AWAT1: variants seen among roughly 807,000 people sequenced by gnomAD.
AWAT1 encodes acyl-CoA wax alcohol acyltransferase 1, also known as diacyl-glycerol acyltransferase 2.
A neutral mutation model predicts 21.6 loss-of-function variants in AWAT1; 26 were observed. The ratio of observed to expected loss-of-function variants is 1.20; its 90% CI spans 0.88 to 1.67. AWAT1 has a LOEUF of 1.67. Ranked by LOEUF, AWAT1 falls within the 40% of genes most tolerant of loss-of-function variation. The probability of loss-of-function intolerance (pLI) is 0.00; values close to 1 mark genes in which losing one functional copy is unlikely to be tolerated. For missense variants in AWAT1, 264 were observed against 249.4 expected (o/e 1.06, Z -0.39); for synonymous variants, 102 against 99.3 (o/e 1.03, Z -0.16).
chrX:70,239,576 G>C (rs955277215), intron 5 of AWAT1, among the ~76,000 whole-genome samples, 159 bp from the exon 6 acceptor site: 2 of 111,932 alleles, frequency 1.8e-5, no homozygotes, highest in South Asian at 3.8e-4. Flanking sequence ...CATGACAAGA[G>C]ACATTAAATA....
chrX:70,236,135 T>G lies in AWAT1; in HGVS notation c.251T>G (p.Ile84Ser). Residue 84 changes from isoleucine to serine, a missense_variant, in exon 3 of 7, where the codon ATT (isoleucine) becomes AGT (serine). By Grantham distance (142) the Ile-to-Ser change is moderately radical. Transcript: ENST00000374521. ...ACCCACATCAGGGACTATTTCCCCA[T>G]TACGGTAAGTATCTCTTCCCCAGTG... ...VWTHIRDYFP[I>S]TILKTKDLSP... 1 of 1,206,828 alleles carries G rather than the reference T, an allele frequency of 8.3e-7. No individual in the cohort carries two copies. Among genetic ancestry groups the G allele is most frequent in the South Asian group, 1.8e-5 (1 of 56,843 alleles).
At position 70,237,142 on chromosome X, in the gene AWAT1, T is replaced by C. The variant is rs891921067; in HGVS notation, c.354T>C (p.Thr118=). 20 of 1,205,936 alleles carry C rather than the reference T, an allele frequency of 1.7e-5. No homozygotes were observed. Among genetic ancestry groups the C allele is most frequent in the Admixed American group, 2.2e-5 (1 of 45,460 alleles). The part of the protein sequence containing the change: ...LTFGAFCNFC[T]EATGFSKTFP... ...TTGGCGCCTTCTGCAACTTCTGCAC[T>C]GAGGCCACAGGCTTCTCGAAGACCT... Residue 118 remains threonine, a synonymous_variant, in exon 4 of 7, where the codon ACT becomes ACC. Transcript: ENST00000374521.
intron 2 of AWAT1, 81 bp downstream of exon 2, chrX:70,235,904 C>T: frequency 2.0e-6 from 2 of 991,299 alleles, no homozygotes; most frequent in Non-Finnish European, 2.9e-6. Context: ...CCACAGGCCC[C>T]TCATCCAAGT....
chrX:70,236,827 C>A (rs1464081963), intron 3 of AWAT1, among the ~76,000 whole-genome samples: 1 of 111,899 alleles, frequency 8.9e-6, no homozygotes, highest in Non-Finnish European at 1.9e-5. Context: ...CTACTTCTAG[C>A]CACAGGCAGG....
intron 2 of AWAT1, 41 bp downstream of exon 2, chrX:70,235,864 A>T (rs764929565): frequency 1.8e-6 from 2 of 1,110,622 alleles, no homozygotes; most frequent in African/African-American, 3.6e-5. Flanking sequence ...TTCCATCATA[A>T]CCTGCAGCCA....
intron 5 of AWAT1, among the ~76,000 whole-genome samples, chrX:70,239,494 C>T (rs1462884395): frequency 8.9e-6 from 1 of 111,807 alleles, no homozygotes; most frequent in African/African-American, 3.3e-5. Context: ...CCTGACGCTC[C>T]CCGCCCCCTG....
chrX:70,235,956 G>A, intron 2 of AWAT1, 113 bp from the exon 3 acceptor site: 2 of 903,798 alleles, frequency 2.2e-6, no homozygotes, highest in Non-Finnish European at 3.2e-6. Flanking sequence ...ACCATCCTAG[G>A]GTCTCCTCCT....
chrX:70,239,885 T>C lies in AWAT1; in HGVS notation c.783T>C (p.Cys261=), dbSNP rs767147547. ...GTGTCTTCTATGGACAAAGCTTCTG[T>C]CAAGGCTCCACTGGGCTCCTGCCAT... is the stretch of plus-strand genomic sequence containing the variant. ...YCCVFYGQSF[C]QGSTGLLPYS... Residue 261 remains cysteine, a synonymous_variant, in exon 6 of 7, where the codon TGT becomes TGC. Coordinates refer to ENST00000374521, the MANE Select transcript of AWAT1 (RefSeq NM_001013579.3). 4 of 1,210,851 alleles carry C rather than the reference T, an allele frequency of 3.3e-6. No homozygotes were observed. In the Admixed American group the frequency reaches 8.7e-5, roughly 26 times the overall value.
At chrX:70,236,024 G>C (rs2085513160) in intron 2 of AWAT1, 45 bp from the exon 3 acceptor site, 1 of 1,098,270 alleles carries the variant, frequency 9.1e-7, no homozygotes, top group Non-Finnish European at 1.3e-6. Flanking sequence ...GAATGTATGG[G>C]ATGGCACACA....
At chrX:70,239,672 G>T in intron 5 of AWAT1, 63 bp from the exon 6 acceptor site, 1 of 1,015,013 alleles carries the variant, frequency 9.9e-7, no homozygotes, top group Non-Finnish European at 1.4e-6. Flanking sequence ...GCAAACAAAT[G>T]TTCTTCCAGG....
chrX:70,240,123 T>C lies in AWAT1; in HGVS notation c.833-13T>C. On this transcript the variant is annotated splice_polypyrimidine_tract_variant and intron_variant, in intron 6 of 6. Transcript: ENST00000374521. The stretch of plus-strand genomic sequence containing the variant: ...AACACTTTCCTCTTCTCTTTTCCGA[T>C]CTCTCTTGGCAGTTGGGGAGCCTCT... The C allele has an allele frequency of 1.7e-6, 2 of 1,208,819 alleles. No homozygotes were observed. Among genetic ancestry groups the C allele is most frequent in the Non-Finnish European group, 2.2e-6 (2 of 894,279 alleles).
chrX:70,238,333 C>A lies in AWAT1; in HGVS notation c.582C>A (p.Thr194=), dbSNP rs1169683180. The A allele has an allele frequency of 1.7e-6, 2 of 1,207,077 alleles. No individual in the cohort carries two copies. Among genetic ancestry groups the A allele is most frequent in the Non-Finnish European group, 2.2e-6 (2 of 893,107 alleles). Residue 194 remains threonine, a synonymous_variant, in exon 5 of 7, where the codon ACC becomes ACA. Coordinates refer to ENST00000374521, the MANE Select transcript of AWAT1 (RefSeq NM_001013579.3). ...TGCAAAGTGTGCCCAACACCACCAC[C>A]CTCATCCTCCAGAAGCGCAAGGGGT... The part of the protein sequence containing the change: ...EALQSVPNTT[T]LILQKRKGFV...
intron 5 of AWAT1, among the ~76,000 whole-genome samples, chrX:70,239,357 C>T (rs1389527748): frequency 1.8e-5 from 2 of 112,738 alleles, no homozygotes; most frequent in African/African-American, 6.4e-5. Flanking sequence ...ACCCAGGGCA[C>T]TGTTCAGGGT....
chrX:70,236,635 G>C (rs1294447410), intron 3 of AWAT1, among the ~76,000 whole-genome samples: 1 of 111,586 alleles, frequency 9.0e-6, no homozygotes, highest in African/African-American at 3.3e-5. Context: ...AAGGGGATTG[G>C]CAGGAAACAA....
intron 3 of AWAT1, 56 bp downstream of exon 3, chrX:70,236,195 A>G: frequency 1.0e-6 from 1 of 956,578 alleles, no homozygotes. Flanking sequence ...GTAGGCATTT[A>G]TACCACATGA....
At chrX:70,238,871 C>G (rs949229871) in intron 5 of AWAT1, among the ~76,000 whole-genome samples, 1 of 112,301 alleles carries the variant, frequency 8.9e-6, no homozygotes, top group African/African-American at 3.2e-5. Flanking sequence ...GAATTTATCC[C>G]CACAAAACAC....
intron 3 of AWAT1, 80 bp downstream of exon 3, chrX:70,236,219 T>C (rs1206365247): frequency 1.1e-5 from 9 of 783,382 alleles, no homozygotes; most frequent in Non-Finnish European, 1.7e-5. Context: ...GAGTTGTCCA[T>C]AAGGAAGATA....
At chrX:70,236,193 T>G in intron 3 of AWAT1, 54 bp downstream of exon 3, 3 of 965,182 alleles carry the variant, frequency 3.1e-6, no homozygotes, top group Middle Eastern at 2.6e-4. Context: ...GGGTAGGCAT[T>G]TATACCACAT....
Position 70,236,077 on chromosome X carries a change from C to A in AWAT1, c.193C>A (p.Arg65Ser). 2 of 1,209,806 alleles carry A rather than the reference C, an allele frequency of 1.7e-6. No individual in the cohort carries two copies. The highest frequency in any genetic ancestry group is 2.2e-6 in the Non-Finnish European group (2 of 893,817). ...TTCTTCTTTTGCCTCAGGTGGCAGGCGTTCGGCCTGGGTAAGGAACTGGTG... is the reference window on the plus strand; with the variant it reads ...TTCTTCTTTTGCCTCAGGTGGCAGGAGTTCGGCCTGGGTAAGGAACTGGTG... Reference protein sequence around the residue: ...DWKTPERGGRRSAWVRNWCVW... With the variant: ...DWKTPERGGRSSAWVRNWCVW... The change falls in exon 3 of 7, where the codon CGT (arginine) becomes AGT (serine). Residue 65 changes from arginine to serine, a missense_variant. Coordinates refer to ENST00000374521, the MANE Select transcript of AWAT1 (RefSeq NM_001013579.3).
Sources: gnomAD v4.1 joint callset for allele counts (sites outside exome capture counted in the v4.1 genomes callset) on GRCh38, gnomAD v4.1.1 for gene constraint, MANE v1.5 for transcripts, NCBI Gene and HGNC (gene_info 2026-07-23, HGNC 2026-07-21) for gene names.